The following AP1G1 variants were observed in gnomAD, a reference collection of about 807,000 sequenced individuals.
AP1G1 encodes AP-1 complex subunit gamma-1.
AP1G1 carries 7 observed loss-of-function variants against 108.3 expected under a neutral mutation model. The observed-to-expected ratio is 0.06, with a 90% CI of 0.04 to 0.12. The LOEUF is 0.12. AP1G1 is among the 10% of genes least tolerant of loss of function. The probability of loss-of-function intolerance (pLI) is 1.00; values close to 1 mark genes in which losing one functional copy is unlikely to be tolerated. For missense variants in AP1G1, 756 were observed against 1,010.7 expected (o/e 0.75, Z 3.42); for synonymous variants, 379 against 353.5 (o/e 1.07, Z -0.81).
At chr16:71,754,625 C>G (rs928396499) in intron 12 of AP1G1, among the ~76,000 whole-genome samples, 1 of 152,028 alleles carries the variant, frequency 6.6e-6, no homozygotes, top group African/African-American at 2.4e-5. Context: ...AGCAAGACCC[C>G]ATCTCTACAA....
At chr16:71,740,314 G>C (rs980334087) in intron 19 of AP1G1, among the ~76,000 whole-genome samples, 1 of 152,186 alleles carries the variant, frequency 6.6e-6, no homozygotes, top group South Asian at 2.1e-4. Context: ...CCTCCCAGTT[G>C]TAACAACCAA....
intron 2 of AP1G1, among the ~76,000 whole-genome samples, chr16:71,780,386 G>C (rs1199586001): frequency 6.6e-6 from 1 of 151,742 alleles, no homozygotes. Flanking sequence ...CAACTACTCA[G>C]GAGGCTCAGG....
intron 1 of AP1G1, among the ~76,000 whole-genome samples, chr16:71,794,383 G>GT (rs1350047258): frequency 3.3e-5 from 5 of 151,754 alleles, no homozygotes; most frequent in Non-Finnish European, 5.9e-5. Flanking sequence ...TCTTTGTCCT[G>GT]TTTTTTTAAA....
intron 4 of AP1G1, among the ~76,000 whole-genome samples, chr16:71,772,039 A>C (rs180743284): frequency 6.6e-6 from 1 of 152,386 alleles, no homozygotes; most frequent in African/African-American, 2.4e-5. Flanking sequence ...TGTTTGAGTC[A>C]AATACCATAA....
Position 71,758,803 on chromosome 16 carries a change from G to C in AP1G1, c.1088+5C>G, listed in dbSNP as rs766228976. ...CTAGACTGAGAAAGGCTCTCAGTTT[G>C]TTACCGTTTTATTGAGACATCCAAA... On this transcript the variant is annotated splice_donor_5th_base_variant and intron_variant, in intron 11 of 22. Coordinates refer to ENST00000299980, the MANE Select transcript of AP1G1 (RefSeq NM_001128.6). 3 of 1,554,504 alleles carry C rather than the reference G, an allele frequency of 1.9e-6. No homozygotes were observed. The highest frequency in any genetic ancestry group is 2.3e-5 in the South Asian group (2 of 86,064).
chr16:71,787,474 C>T (rs4788558), intron 2 of AP1G1, among the ~76,000 whole-genome samples: 51,960 of 151,920 alleles, frequency 0.34, 9,696 homozygotes, highest in East Asian at 0.76. Context: ...TAGAGCAAGA[C>T]CCTGCCTCTA....
intron 5 of AP1G1, 151 bp downstream of exon 5, chr16:71,771,005 C>A (rs901201862): frequency 1.1e-5 from 5 of 458,276 alleles, no homozygotes. Flanking sequence ...AGTGGAAAGA[C>A]TTGTCAGACC....
intron 2 of AP1G1, among the ~76,000 whole-genome samples, chr16:71,782,049 T>C (rs982796194): frequency 2.6e-5 from 4 of 152,234 alleles, no homozygotes; most frequent in Admixed American, 6.5e-5. Context: ...TTCTAATTCA[T>C]TCCTTCATTT....
chr16:71,779,335 ACT>A (rs1228198285), intron 2 of AP1G1, among the ~76,000 whole-genome samples: 3 of 147,770 alleles, frequency 2.0e-5, no homozygotes, highest in Non-Finnish European at 4.5e-5. Context: ...TTTCTATATG[ACT>A]CTCTTTTTTG....
At chr16:71,746,782 T>C (rs2030204373) in intron 16 of AP1G1, 90 bp from the exon 17 acceptor site, 1 of 898,882 alleles carries the variant, frequency 1.1e-6, no homozygotes, top group South Asian at 1.6e-5. Flanking sequence ...AATTTTCTGG[T>C]TAAAATACTG....
intron 19 of AP1G1, chr16:71,742,330 CA>C (rs1456375463): frequency 1.1e-4 from 16 of 151,986 alleles, no homozygotes; most frequent in Middle Eastern, 6.8e-3. Flanking sequence ...CCAAGCCTGG[CA>C]GAGGGCTACA....
At chr16:71,772,299 T>C (rs1333335304) in intron 4 of AP1G1, among the ~76,000 whole-genome samples, 2 of 152,120 alleles carry the variant, frequency 1.3e-5, no homozygotes, top group Non-Finnish European at 1.5e-5. Flanking sequence ...GGCTAATTTT[T>C]TTTGTATTTT....
chr16:71,741,044 T>C (rs748416517), intron 19 of AP1G1, among the ~76,000 whole-genome samples: 3 of 152,106 alleles, frequency 2.0e-5, no homozygotes, highest in Non-Finnish European at 2.9e-5. Flanking sequence ...AATCATACAA[T>C]AGAAGATAAT....
At chr16:71,735,693 T>A (rs566006177) in intron 21 of AP1G1, among the ~76,000 whole-genome samples, 1 of 151,488 alleles carries the variant, frequency 6.6e-6, no homozygotes, top group South Asian at 2.1e-4. Flanking sequence ...GCAAGCTAGG[T>A]AAACCATACT....
rs2045488426 is a variant in AP1G1 at position 71,732,960 on chromosome 16, C to A, written c.*98G>T. The A allele has an allele frequency of 2.2e-6, 2 of 893,278 alleles. No homozygotes were observed. Among genetic ancestry groups the A allele is most frequent in the Admixed American group, 4.8e-5 (2 of 41,852 alleles). The allele number at this position is 893,278 out of a possible 1,614,324, so 55.3% of individuals were successfully genotyped here. The stretch of plus-strand genomic sequence containing the variant: ...CAGCAGTTCTCTTCAGCTCCTCATG[C>A]CCGTGGTACAGTTGGGGGGGACTTG... On this transcript the variant is annotated 3_prime_UTR_variant, in exon 23 of 23. Transcript: ENST00000299980.
chr16:71,729,862 C>T lies in AP1G1; in HGVS notation c.*3196G>A, dbSNP rs2045461893. ...AGAAAAAAATAGACACATTCAAACT[C>T]CTTTCCCCTAGTTCTCATGGCCCAA... On this transcript the variant is annotated 3_prime_UTR_variant, in exon 23 of 23. Coordinates refer to ENST00000299980, the MANE Select transcript of AP1G1 (RefSeq NM_001128.6). 6.6e-6 allele frequency: 1 copy of T among 152,600 alleles called. No homozygotes were observed. Among genetic ancestry groups the T allele is most frequent in the African/African-American group, 2.4e-5 (1 of 41,432 alleles). 9.5% of individuals were successfully genotyped at this position (152,600 alleles called of 1,614,324 possible).
At chr16:71,741,175 T>C (rs1405245024) in intron 19 of AP1G1, among the ~76,000 whole-genome samples, 1 of 152,154 alleles carries the variant, frequency 6.6e-6, no homozygotes, top group South Asian at 2.1e-4. Flanking sequence ...ACTGAAAATA[T>C]GCCATTTAAA....
intron 6 of AP1G1, 198 bp downstream of exon 6, chr16:71,769,425 G>A: frequency 1.8e-6 from 1 of 558,782 alleles, no homozygotes; most frequent in Non-Finnish European, 3.3e-6. Flanking sequence ...TATTATGAAA[G>A]GGAAAACACA....
Position 71,730,692 on chromosome 16 carries a change from T to G in AP1G1, c.*2366A>C, listed in dbSNP as rs1445192002. 3.3e-5 allele frequency: 5 copies of G among 152,680 alleles called. No individual in the cohort carries two copies. The highest frequency in any genetic ancestry group is 5.9e-5 in the Non-Finnish European group (4 of 68,052). 9.5% of individuals were successfully genotyped at this position (152,680 alleles called of 1,614,324 possible). Reference sequence around the variant, plus strand: ...AACCATCAGTATCCTAGGCAGTTATTTGGCTGCTAGTCCTTCAGTATGGTG... The same window carrying G: ...AACCATCAGTATCCTAGGCAGTTATGTGGCTGCTAGTCCTTCAGTATGGTG... On this transcript the variant is annotated 3_prime_UTR_variant, in exon 23 of 23. Coordinates refer to ENST00000299980, the MANE Select transcript of AP1G1 (RefSeq NM_001128.6).
Sources: allele counts gnomAD v4.1 joint callset (sites outside exome capture counted in the v4.1 genomes callset), GRCh38; gene constraint gnomAD v4.1.1; transcripts MANE v1.5; gene names NCBI Gene and HGNC (gene_info 2026-07-23, HGNC 2026-07-21).